PPP2R2B: variants seen among roughly 807,000 people sequenced by gnomAD.
PPP2R2B encodes protein phosphatase 2 regulatory subunit Bbeta.
Under a neutral mutation model 46.0 loss-of-function variants are expected in PPP2R2B, and 5 were observed. The observed-to-expected ratio is 0.11, with a 90% CI of 0.06 to 0.23. PPP2R2B has a LOEUF of 0.23. PPP2R2B is among the 10% of genes least tolerant of loss of function. The pLI is 1.00. For missense variants in PPP2R2B, 367 were observed against 575.0 expected, an observed-to-expected ratio of 0.64 and a Z score of 3.70; for synonymous variants, 215 against 206.7, an observed-to-expected ratio of 1.04 and a Z score of -0.34.
At chr5:146,606,691 C>G (rs1024619168) in intron 7 of PPP2R2B, among the ~76,000 whole-genome samples, 13 of 152,114 alleles carry the variant, frequency 8.5e-5, no homozygotes, top group Non-Finnish European at 8.8e-5. Context: ...TCTTAAGAAC[C>G]AGTTGTGGTA....
Position 146,877,989 on chromosome 5 carries a change from G to C in PPP2R2B, c.70+13C>G. 6.2e-7 allele frequency: 1 copy of C among 1,608,676 alleles called. No individual in the cohort carries two copies. The highest frequency in any genetic ancestry group is 8.5e-7 in the Non-Finnish European group (1 of 1,176,334). ...CCGGCCCCAACGGCGGAATGCGGCGGGGCTGGCGTTACCTTCGGTCGCATA... is the reference window on the plus strand; with the variant it reads ...CCGGCCCCAACGGCGGAATGCGGCGCGGCTGGCGTTACCTTCGGTCGCATA... On this transcript the variant is annotated intron_variant, in intron 2 of 9. Coordinates refer to ENST00000394411, the MANE Select transcript of PPP2R2B (RefSeq NM_181675.4).
chr5:146,804,528 C>A (rs1432112162), intron 2 of PPP2R2B, among the ~76,000 whole-genome samples: 1 of 152,140 alleles, frequency 6.6e-6, no homozygotes, highest in Non-Finnish European at 1.5e-5. Context: ...AACATAAACA[C>A]CTTGAGAGCC....
chr5:146,707,342 C>A, intron 2 of PPP2R2B: 1 of 879,374 alleles, frequency 1.1e-6, no homozygotes, highest in South Asian at 1.3e-5. Context: ...TGCTCCTTCT[C>A]CTGGGTGCAC....
chr5:146,661,429 CA>C (rs1369754771), intron 5 of PPP2R2B, among the ~76,000 whole-genome samples: 1 of 151,940 alleles, frequency 6.6e-6, no homozygotes, highest in Non-Finnish European at 1.5e-5. Context: ...AAAGGTACTT[CA>C]TATACAAAGA....
intron 1 of PPP2R2B, among the ~76,000 whole-genome samples, chr5:146,946,547 TG>T (rs1764488919): frequency 6.6e-6 from 1 of 152,160 alleles, no homozygotes; most frequent in Non-Finnish European, 1.5e-5. Flanking sequence ...AAGCTAGAAC[TG>T]TAAGTGGTGA....
chr5:146,881,773 G>A (rs72825210), upstream of PPP2R2B, among the ~76,000 whole-genome samples: 19,353 of 151,346 alleles, frequency 0.13, 1,606 homozygotes, highest in East Asian at 0.35. Context: ...ATTTGTTGGA[G>A]ACAAACATTT....
Position 146,737,946 on chromosome 5 carries a change from C to T in PPP2R2B, c.71-36804G>A, listed in dbSNP as rs118017261. Reference sequence around the variant, plus strand: ...CAGAGTGAGACCCTGTCTCAAAAAACAAAACAAAACAAAAAAAACGTTGTT... The same window carrying T: ...CAGAGTGAGACCCTGTCTCAAAAAATAAAACAAAACAAAAAAAACGTTGTT... On this transcript the variant is annotated intron_variant, in intron 2 of 9. Transcript: ENST00000394411. Among the ~76,000 whole-genome samples the T allele has an allele frequency of 3.1e-4, 46 of 146,348 alleles. No homozygotes were observed. In the East Asian group the frequency reaches 7.5e-3, roughly 24 times the overall value.
At chr5:147,037,540 C>T (rs1285716278) in intron 1 of PPP2R2B, among the ~76,000 whole-genome samples, 1 of 151,970 alleles carries the variant, frequency 6.6e-6, no homozygotes, top group African/African-American at 2.4e-5. Context: ...TTTGTGCTAA[C>T]ATTCATTTTG....
chr5:146,998,678 G>A (rs1170284133), intron 1 of PPP2R2B, among the ~76,000 whole-genome samples: 1 of 152,154 alleles, frequency 6.6e-6, no homozygotes, highest in African/African-American at 2.4e-5. Context: ...GTAACTTCTA[G>A]TCCAGTGGTT....
intron 1 of PPP2R2B, among the ~76,000 whole-genome samples, chr5:146,947,603 G>C (rs1764522651): frequency 6.6e-6 from 1 of 151,964 alleles, no homozygotes. Flanking sequence ...TAAACATATG[G>C]TTTAAAGCCT....
chr5:146,806,898 C>A (rs1757212394), intron 2 of PPP2R2B, among the ~76,000 whole-genome samples: 1 of 152,186 alleles, frequency 6.6e-6, no homozygotes, highest in Admixed American at 6.5e-5. Context: ...AATAGGGGAC[C>A]TTAGTTTTAG....
intron 1 of PPP2R2B, among the ~76,000 whole-genome samples, chr5:147,014,456 T>A (rs1260530749): frequency 2.0e-5 from 3 of 151,990 alleles, no homozygotes; most frequent in African/African-American, 4.8e-5. Flanking sequence ...TTGTGGCATT[T>A]TTCACAATAG....
At chr5:147,015,630 T>C (rs1032997136) in intron 1 of PPP2R2B, among the ~76,000 whole-genome samples, 1 of 151,608 alleles carries the variant, frequency 6.6e-6, no homozygotes, top group African/African-American at 2.4e-5. Flanking sequence ...GCAGAGAGCA[T>C]AGCTATGGTT....
chr5:146,710,454 G>A (rs573945515), intron 2 of PPP2R2B, among the ~76,000 whole-genome samples: 8 of 152,288 alleles, frequency 5.3e-5, no homozygotes, highest in Middle Eastern at 3.4e-3. Context: ...ACAAGTTCCT[G>A]CAACATAGAA....
chr5:146,634,018 T>A lies in PPP2R2B; in HGVS notation c.790+4233A>T, dbSNP rs563124948. Among the ~76,000 whole-genome samples, 26 of 152,332 alleles carry A rather than the reference T, an allele frequency of 1.7e-4. No homozygotes were observed. The South Asian group carries it at 5.0e-3, about 29-fold the overall frequency. ...TTCTCTCCTTAGACAGTGTGGTTAA[T>A]GTTATGTATTAGCTTGACTGAGCCA... On this transcript the variant is annotated intron_variant, in intron 7 of 9. Coordinates refer to ENST00000394411, the MANE Select transcript of PPP2R2B (RefSeq NM_181675.4).
At position 146,735,590 on chromosome 5, in the gene PPP2R2B, T is replaced by C. The variant is rs73320081; in HGVS notation, c.71-34448A>G. ...AATTGGATGGGGGAAAAAAAGAGTC[T>C]CACACTCAGGTATAATGGAAAAGTG... On this transcript the variant is annotated intron_variant, in intron 2 of 9. Coordinates refer to ENST00000394411, the MANE Select transcript of PPP2R2B (RefSeq NM_181675.4). Among the ~76,000 whole-genome samples the C allele has an allele frequency of 9.8e-3, 1,497 of 152,224 alleles. 26 individuals are homozygous for C. Among genetic ancestry groups the C allele is most frequent in the African/African-American group, 0.034 (1,429 of 41,528 alleles).
chr5:147,034,695 C>A (rs1453452796), intron 1 of PPP2R2B, among the ~76,000 whole-genome samples: 1 of 151,928 alleles, frequency 6.6e-6, no homozygotes, highest in African/African-American at 2.4e-5. Context: ...ATCTTTTATT[C>A]CTGTCAATGT....
chr5:146,986,710 T>C (rs561591076), intron 1 of PPP2R2B, among the ~76,000 whole-genome samples: 35 of 152,050 alleles, frequency 2.3e-4, no homozygotes, highest in South Asian at 2.1e-4. Flanking sequence ...AAATACACAG[T>C]CAGAGAGGGA....
intron 2 of PPP2R2B, among the ~76,000 whole-genome samples, chr5:146,849,539 A>G (rs10037107): frequency 0.02 from 3,024 of 152,280 alleles, 75 homozygotes; most frequent in African/African-American, 0.064. Context: ...CATAATCTCA[A>G]TTCTGGAAGG....
Sources: gnomAD v4.1 joint callset for allele counts (sites outside exome capture counted in the v4.1 genomes callset) on GRCh38, gnomAD v4.1.1 for gene constraint, MANE v1.5 for transcripts, NCBI Gene and HGNC (gene_info 2026-07-23, HGNC 2026-07-21) for gene names.